Variants in PGBD5 observed in about 807,000 individuals in gnomAD.
The protein encoded by PGBD5 is piggyBac transposable element-derived protein 5.
In PGBD5, 14 loss-of-function variants were observed where a neutral mutation model predicts 47.9. The observed-to-expected ratio is 0.29, with a 90% CI of 0.19 to 0.46. The LOEUF is 0.46. PGBD5 is among the 20% of genes least tolerant of loss of function. The probability of loss-of-function intolerance (pLI) is 1.00; values close to 1 mark genes in which losing one functional copy is unlikely to be tolerated. For synonymous variants in PGBD5, 316 were observed against 306.3 expected (o/e 1.03, Z -0.33); for missense variants, 635 against 716.0 (o/e 0.89, Z 1.29).
rs901188227 is a variant in PGBD5, at chr1:230,323,888, G to A, written c.1380-268C>T. ...CTGAAAGCCAGGTGCCAGGTGTGCTGGGGTGGCGCACAGCCCCGGAGTGGA... is the reference window on the plus strand; with the variant it reads ...CTGAAAGCCAGGTGCCAGGTGTGCTAGGGTGGCGCACAGCCCCGGAGTGGA... On this transcript the variant is annotated intron_variant, in intron 6 of 6. Coordinates refer to ENST00000391860, the MANE Select transcript of PGBD5 (RefSeq NM_001258311.2). This position sits in a 1 kb window ranked among gnomAD's most constrained non-coding sequence, Gnocchi z 4.1. Among the ~76,000 whole-genome samples, 1 of 152,220 alleles carries A rather than the reference G, an allele frequency of 6.6e-6. No individual in the cohort carries two copies. Among genetic ancestry groups the A allele is most frequent in the Non-Finnish European group, 1.5e-5 (1 of 68,040 alleles).
intron 3 of PGBD5, among the ~76,000 whole-genome samples, chr1:230,346,568 G>A (rs773185444): frequency 3.9e-5 from 6 of 152,116 alleles, no homozygotes; most frequent in African/African-American, 9.7e-5. Flanking sequence ...CAAGCATATC[G>A]CAAGATTTCC....
In PGBD5 at chr1:230,333,000, A is replaced by G; in HGVS notation, c.1117T>C (p.Cys373Arg). ...AGCATGGACAGTGGGAGGCCGGTGC[A>G]GTCACTCTTCCGCGCGCGGAGCAAG... ...CGLLRARKSD[C>R]TGLPLSMLTN... The change falls in exon 5 of 7, where the codon TGC (cysteine) becomes CGC (arginine). Residue 373 changes from cysteine (C) to arginine (R), a missense_variant. Transcript: ENST00000391860. 1 of 1,612,544 alleles carries G rather than the reference A, an allele frequency of 6.2e-7. No homozygotes were observed. Among genetic ancestry groups the G allele is most frequent in the Non-Finnish European group, 8.5e-7 (1 of 1,179,286 alleles).
chr1:230,349,633 C>A (rs1667530755), intron 3 of PGBD5, among the ~76,000 whole-genome samples: 1 of 151,174 alleles, frequency 6.6e-6, no homozygotes, highest in Admixed American at 6.6e-5. Context: ...GTGCAGGTAG[C>A]AGGTGCTCAA....
At chr1:230,335,740 CACAA>C (rs1337945404) in intron 4 of PGBD5, among the ~76,000 whole-genome samples, 1 of 366 alleles carries the variant, frequency 2.7e-3, no homozygotes, top group East Asian at 0.056. Context: ...CACAGACTTA[CACAA>C]AGACACACAC....
Position 230,318,735 on chromosome 1 carries a change from C to T in PGBD5, c.*4690G>A, listed in dbSNP as rs1456891394. ...CCCCACAGCTGGCTCCACTCCCCCA[C>T]CCCATCCCACTCTCCCCATACTGTG... On this transcript the variant is annotated 3_prime_UTR_variant, in exon 7 of 7. Coordinates refer to ENST00000391860, the MANE Select transcript of PGBD5 (RefSeq NM_001258311.2). 6.6e-6 allele frequency: 1 copy of T among 152,428 alleles called. No individual in the cohort carries two copies. Among genetic ancestry groups the T allele is most frequent in the Non-Finnish European group, 1.5e-5 (1 of 68,242 alleles). The allele number at this position is 152,428 out of a possible 1,614,324, so 9.4% of individuals were successfully genotyped here.
intron 1 of PGBD5, among the ~76,000 whole-genome samples, chr1:230,418,943 T>C (rs954376487): frequency 2.0e-5 from 3 of 152,252 alleles, no homozygotes; most frequent in African/African-American, 7.2e-5. Context: ...CTAGAACACT[T>C]AATCATTCCA....
chr1:230,391,914 G>A (rs567988021), intron 1 of PGBD5, among the ~76,000 whole-genome samples: 9 of 152,278 alleles, frequency 5.9e-5, no homozygotes, highest in African/African-American at 4.8e-5. Context: ...GCCAGAGAAC[G>A]GGGCCAAGCT....
At chr1:230,401,445 G>A (rs114053070) in intron 1 of PGBD5, among the ~76,000 whole-genome samples, 2,284 of 152,318 alleles carry the variant, frequency 0.015, 66 homozygotes, top group African/African-American at 0.052. Flanking sequence ...CTGGCCTGTT[G>A]CTTGGGGCCA....
chr1:230,404,631 T>TATATATATATATAAA (rs1657253634), intron 1 of PGBD5, among the ~76,000 whole-genome samples: 1 of 113,408 alleles, frequency 8.8e-6, no homozygotes, highest in African/African-American at 3.2e-5. Flanking sequence ...AAAAAAAAAA[T>TATATATATATATAAA]ATATATATAT....
chr1:230,381,332 T>C (rs1465731629), intron 1 of PGBD5, among the ~76,000 whole-genome samples: 1 of 152,182 alleles, frequency 6.6e-6, no homozygotes, highest in Non-Finnish European at 1.5e-5. Flanking sequence ...ACCAGCCTAC[T>C]CTCTGGGTGT....
chr1:230,317,611 T>C lies in PGBD5; in HGVS notation c.*5814A>G, dbSNP rs1666970144. 1 of 151,836 alleles carries C rather than the reference T, an allele frequency of 6.6e-6. No homozygotes were observed. Among genetic ancestry groups the C allele is most frequent in the Non-Finnish European group, 1.5e-5 (1 of 67,946 alleles). 9.4% of individuals were successfully genotyped at this position (151,836 alleles called of 1,614,324 possible). ...TTGGGGAGGGGAGGGCCGAGGCTGA[T>C]TTATCTGGCGGGCTCAGCCTCACCC... On this transcript the variant is annotated 3_prime_UTR_variant, in exon 7 of 7. Transcript: ENST00000391860.
chr1:230,362,442 C>T, intron 1 of PGBD5: 1 of 1,267,750 alleles, frequency 7.9e-7, no homozygotes, highest in East Asian at 5.3e-5. Context: ...CCGTGGCAAG[C>T]TCTTTCCCGC....
At chr1:230,358,852 T>C (rs564505193) in intron 1 of PGBD5, among the ~76,000 whole-genome samples, 2 of 152,342 alleles carry the variant, frequency 1.3e-5, no homozygotes, top group East Asian at 3.9e-4. Context: ...TGTATAAGTA[T>C]ACTGCATGAT....
At position 230,413,066 on chromosome 1, in the gene PGBD5, A is replaced by C. The variant is rs914880283; in HGVS notation, c.331+12532T>G. Among the ~76,000 whole-genome samples, 41 of 150,724 alleles carry C rather than the reference A, an allele frequency of 2.7e-4. 1 individual carries two copies. The highest frequency in any genetic ancestry group is 1.0e-3 in the African/African-American group (40 of 40,002). ...AGTATTTTTTCTCATCAACATTATA[A>C]CAAAAAGACATTATTCAAGGGCCTG... On this transcript the variant is annotated intron_variant, in intron 1 of 6. Coordinates refer to ENST00000391860, the MANE Select transcript of PGBD5 (RefSeq NM_001258311.2).
chr1:230,402,685 G>A (rs532174372), intron 1 of PGBD5, among the ~76,000 whole-genome samples: 5 of 152,066 alleles, frequency 3.3e-5, no homozygotes, highest in Non-Finnish European at 5.9e-5. Flanking sequence ...GCTTGCCCTC[G>A]CTATGTTGCC....
intron 1 of PGBD5, among the ~76,000 whole-genome samples, chr1:230,412,437 G>A (rs984148507): frequency 2.8e-5 from 4 of 144,808 alleles, no homozygotes; most frequent in African/African-American, 1.0e-4. Context: ...TGCCCAGGCT[G>A]GAGTGCAATG....
intron 1 of PGBD5, among the ~76,000 whole-genome samples, chr1:230,361,514 C>G (rs991264252): frequency 6.6e-6 from 1 of 152,152 alleles, no homozygotes; most frequent in Non-Finnish European, 1.5e-5. Flanking sequence ...CCTGGGTTCC[C>G]CACTCCCTCA....
chr1:230,348,476 T>C (rs1220502427), intron 3 of PGBD5, among the ~76,000 whole-genome samples: 1 of 152,106 alleles, frequency 6.6e-6, no homozygotes, highest in Non-Finnish European at 1.5e-5. Flanking sequence ...ATGTAAGAAA[T>C]GGGATCAACA....
At chr1:230,351,545 A>G (rs569561795) in intron 2 of PGBD5, among the ~76,000 whole-genome samples, 1 of 152,294 alleles carries the variant, frequency 6.6e-6, no homozygotes, top group South Asian at 2.1e-4. Context: ...TCACTGATCC[A>G]CAATTTACCT....
Sources: allele counts gnomAD v4.1 joint callset (sites outside exome capture counted in the v4.1 genomes callset), GRCh38; gene constraint gnomAD v4.1.1; non-coding constraint Gnocchi (gnomAD v3.1); transcripts MANE v1.5; gene names NCBI Gene and HGNC (gene_info 2026-07-23, HGNC 2026-07-21).